Variants in GNG12 observed in about 807,000 individuals in gnomAD.
GNG12 encodes the protein guanine nucleotide-binding protein G(I)/G(S)/G(O) subunit gamma-12.
For missense variants in GNG12, 69 were observed against 83.8 expected (o/e 0.82, Z 0.69); for synonymous variants, 28 against 29.7 (o/e 0.94, Z 0.19).
chr1:67,701,951 T>TG lies in GNG12; in HGVS notation c.*3499dup, dbSNP rs1646218090. On this transcript the variant is annotated 3_prime_UTR_variant, in exon 4 of 4. Transcript: ENST00000370982. ...CACGTTGGCAGGACCAGCAGAGGGG[T>TG]GGGGTCTTTGGACCAAGGCATCTGG... 6.6e-6 allele frequency: 1 copy of TG among 152,522 alleles called. No homozygotes were observed. The highest frequency in any genetic ancestry group is 2.4e-5 in the African/African-American group (1 of 41,384). The allele number at this position is 152,522 out of a possible 1,614,324, so 9.4% of individuals were successfully genotyped here.
intron 1 of GNG12, among the ~76,000 whole-genome samples, chr1:67,800,619 A>G (rs896338700): frequency 6.6e-6 from 1 of 152,198 alleles, no homozygotes; most frequent in Non-Finnish European, 1.5e-5. Flanking sequence ...AATTTTTTAA[A>G]TGTGCTCTCA....
At chr1:67,809,353 G>C (rs1320943472) in intron 1 of GNG12, among the ~76,000 whole-genome samples, 1 of 152,084 alleles carries the variant, frequency 6.6e-6, no homozygotes, top group African/African-American at 2.4e-5. Context: ...AAACATAGGA[G>C]AAAATGTAGA....
intron 2 of GNG12, among the ~76,000 whole-genome samples, chr1:67,754,917 A>C (rs1217392773): frequency 6.6e-6 from 1 of 152,194 alleles, no homozygotes; most frequent in Non-Finnish European, 1.5e-5. Flanking sequence ...CTCTTTCCTC[A>C]TGTGATGAAG....
intron 2 of GNG12, among the ~76,000 whole-genome samples, chr1:67,734,680 A>G (rs1368384270): frequency 6.6e-6 from 1 of 152,042 alleles, no homozygotes; most frequent in African/African-American, 2.4e-5. Flanking sequence ...AGGCTGGAGT[A>G]CAGTTGCAGG....
intron 1 of GNG12, among the ~76,000 whole-genome samples, chr1:67,786,983 GTGTATGTA>G (rs1344749273): frequency 1.5e-4 from 17 of 114,598 alleles, no homozygotes; most frequent in African/African-American, 5.5e-4. Flanking sequence ...GTGTGTGTGT[GTGTATGTA>G]TATATATGTG....
At chr1:67,748,151 C>A (rs1646517337) in intron 2 of GNG12, among the ~76,000 whole-genome samples, 2 of 152,172 alleles carry the variant, frequency 1.3e-5, no homozygotes, top group African/African-American at 4.8e-5. Flanking sequence ...AAAGAACTTT[C>A]CTTTTTGTGG....
chr1:67,703,504 AT>A lies in GNG12; in HGVS notation c.*1946del, dbSNP rs1326434443. 1 of 152,264 alleles carries A rather than the reference AT, an allele frequency of 6.6e-6. No individual in the cohort carries two copies. The highest frequency in any genetic ancestry group is 1.5e-5 in the Non-Finnish European group (1 of 68,048). 9.4% of individuals were successfully genotyped at this position (152,264 alleles called of 1,614,324 possible). On this transcript the variant is annotated 3_prime_UTR_variant, in exon 4 of 4. Coordinates refer to ENST00000370982, the MANE Select transcript of GNG12 (RefSeq NM_018841.6). ...TGAAACTGAGTAGAAAAATAGACTT[AT>A]AAAAAAAAGAATGTCTCATTAAGTG...
At chr1:67,779,816 C>T (rs1646727214) in intron 1 of GNG12, among the ~76,000 whole-genome samples, 1 of 152,190 alleles carries the variant, frequency 6.6e-6, no homozygotes, top group Non-Finnish European at 1.5e-5. Context: ...TGTACTTACA[C>T]AAACCTAGAG....
intron 2 of GNG12, among the ~76,000 whole-genome samples, chr1:67,762,841 T>TA (rs1646613638): frequency 1.3e-5 from 2 of 152,174 alleles, no homozygotes; most frequent in African/African-American, 2.4e-5. Context: ...CTTCCTTTTT[T>TA]AAAAAATCAA....
intron 2 of GNG12, among the ~76,000 whole-genome samples, chr1:67,740,447 C>T (rs915567444): frequency 2.6e-5 from 4 of 152,230 alleles, no homozygotes; most frequent in African/African-American, 9.6e-5. Context: ...CCCATGGCTG[C>T]TTTTGCCCTT....
intron 1 of GNG12, among the ~76,000 whole-genome samples, chr1:67,826,621 T>C (rs1647012485): frequency 6.6e-6 from 1 of 152,174 alleles, no homozygotes; most frequent in Non-Finnish European, 1.5e-5. Context: ...AGGCACCTAG[T>C]CTAAAGGTTA....
chr1:67,814,893 C>T (rs1557625994), intron 1 of GNG12, among the ~76,000 whole-genome samples: 1 of 152,150 alleles, frequency 6.6e-6, no homozygotes, highest in East Asian at 1.9e-4. Context: ...ATTATATTGC[C>T]CTAATGGAGT....
intron 2 of GNG12, among the ~76,000 whole-genome samples, chr1:67,713,611 C>G (rs1244708251): frequency 1.3e-5 from 2 of 151,586 alleles, no homozygotes; most frequent in Non-Finnish European, 2.9e-5. Context: ...GTGAAGCCAA[C>G]TTTCATGAGC....
intron 1 of GNG12, among the ~76,000 whole-genome samples, chr1:67,779,709 G>T (rs548395793): frequency 3.9e-5 from 6 of 152,220 alleles, no homozygotes; most frequent in African/African-American, 1.4e-4. Context: ...AATTCAAATG[G>T]CAATTATACA....
chr1:67,778,283 C>T (rs964335228), intron 1 of GNG12, among the ~76,000 whole-genome samples: 1 of 151,908 alleles, frequency 6.6e-6, no homozygotes, highest in Admixed American at 6.6e-5. Context: ...TTTTTTTAGA[C>T]CAAATCTTCA....
At chr1:67,722,555 G>T (rs1166778028) in intron 2 of GNG12, among the ~76,000 whole-genome samples, 2 of 150,982 alleles carry the variant, frequency 1.3e-5, no homozygotes, top group Non-Finnish European at 2.9e-5. Context: ...CCAGAAGACA[G>T]ATGGAGGAGA....
At chr1:67,761,730 C>T (rs143108948) in intron 2 of GNG12, among the ~76,000 whole-genome samples, 5 of 152,144 alleles carry the variant, frequency 3.3e-5, no homozygotes, top group East Asian at 1.9e-4. Context: ...GAGGTATTCC[C>T]GTTAACCCTT....
chr1:67,731,303 A>C (rs1437820960), intron 2 of GNG12, among the ~76,000 whole-genome samples: 3 of 152,184 alleles, frequency 2.0e-5, no homozygotes, highest in African/African-American at 7.2e-5. Flanking sequence ...AGGATGTACA[A>C]ATACTAATCC....
chr1:67,740,542 G>A (rs1171910443), intron 2 of GNG12, among the ~76,000 whole-genome samples: 3 of 152,244 alleles, frequency 2.0e-5, no homozygotes, highest in Non-Finnish European at 4.4e-5. Context: ...TACAGAACAA[G>A]TTTGCCAATC....
Sources: gnomAD v4.1 joint callset for allele counts (sites outside exome capture counted in the v4.1 genomes callset) on GRCh38, gnomAD v4.1.1 for gene constraint, MANE v1.5 for transcripts, NCBI Gene and HGNC (gene_info 2026-07-23, HGNC 2026-07-21) for gene names.